RUNX1: variants seen among roughly 807,000 people sequenced by gnomAD.
RUNX1 encodes RUNX family transcription factor 1.
A neutral mutation model predicts 42.8 loss-of-function variants in RUNX1; 19 were observed. The observed-to-expected ratio is 0.44, with a 90% CI of 0.31 to 0.65. RUNX1 has a LOEUF of 0.65. Ranked by LOEUF, RUNX1 falls within the 30% of genes least tolerant of loss-of-function variation. RUNX1 has a pLI of 0.07. For synonymous variants in RUNX1, 271 were observed against 289.4 expected (o/e 0.94, Z 0.64); for missense variants, 528 against 672.0 (o/e 0.79, Z 2.37).
At chr21:34,951,464 T>G (rs1342776457) in intron 2 of RUNX1, among the ~76,000 whole-genome samples, 1 of 152,150 alleles carries the variant, frequency 6.6e-6, no homozygotes, top group Admixed American at 6.6e-5. Context: ...GGGAGAAAAT[T>G]TTTGCAATCT....
Position 34,834,452 on chromosome 21 carries a change from G to A in RUNX1, c.763C>T (p.His255Tyr). The A allele has an allele frequency of 6.2e-7, 1 of 1,610,656 alleles. No homozygotes were observed. The highest frequency in any genetic ancestry group is 8.5e-7 in the Non-Finnish European group (1 of 1,177,268). ...PTPNPRASLNHSTAFNPQPQS... is the reference protein window; with the variant it reads ...PTPNPRASLNYSTAFNPQPQS... ...GGCTGAGGGTTAAAGGCAGTGGAGT[G>A]GTTCAGGGAGGCACGAGGGTTGGGC... Residue 255 changes from histidine (H) to tyrosine (Y), a missense_variant, in exon 7 of 9, where the codon CAC (histidine) becomes TAC (tyrosine). Transcript: ENST00000675419.
chr21:35,007,337 G>A (rs1014421582), intron 2 of RUNX1, among the ~76,000 whole-genome samples: 1 of 152,250 alleles, frequency 6.6e-6, no homozygotes, highest in Non-Finnish European at 1.5e-5. Context: ...CTGGACAGAC[G>A]CTGTGGCTGC....
intron 8 of RUNX1, 29 bp downstream of exon 8, chr21:34,799,272 T>C (rs1394946568): frequency 6.8e-6 from 11 of 1,613,690 alleles, no homozygotes; most frequent in East Asian, 4.5e-5. Flanking sequence ...CCAGCTCAGC[T>C]GCAAAGAATG....
intron 2 of RUNX1, among the ~76,000 whole-genome samples, chr21:34,992,721 C>A (rs910938647): frequency 1.3e-5 from 2 of 151,504 alleles, no homozygotes; most frequent in African/African-American, 4.9e-5. Flanking sequence ...AATGGGATGG[C>A]GATGCCCTTT....
chr21:34,946,939 G>A (rs1315327307), intron 2 of RUNX1, among the ~76,000 whole-genome samples: 2 of 152,112 alleles, frequency 1.3e-5, no homozygotes, highest in Admixed American at 6.5e-5. Flanking sequence ...GTCCTCCCTT[G>A]GGTCTGTAAT....
chr21:34,930,917 G>A (rs1254654714), intron 2 of RUNX1, among the ~76,000 whole-genome samples: 1 of 152,042 alleles, frequency 6.6e-6, no homozygotes, highest in Non-Finnish European at 1.5e-5. Flanking sequence ...AAACTTTCTT[G>A]GTTGAATCTG....
intron 2 of RUNX1, among the ~76,000 whole-genome samples, chr21:34,902,749 T>G (rs766640621): frequency 1.2e-4 from 18 of 152,324 alleles, no homozygotes; most frequent in Admixed American, 2.6e-4. Context: ...GTTAGTTACT[T>G]ACCTTGCCCC....
chr21:34,924,168 T>C (rs964704938), intron 2 of RUNX1, among the ~76,000 whole-genome samples: 9 of 152,210 alleles, frequency 5.9e-5, no homozygotes, highest in Non-Finnish European at 4.4e-5. Flanking sequence ...TCAATCCAAC[T>C]TGGGATCCTG....
chr21:35,022,528 T>A (rs180972532), intron 2 of RUNX1, among the ~76,000 whole-genome samples: 1 of 152,294 alleles, frequency 6.6e-6, no homozygotes, highest in East Asian at 1.9e-4. Context: ...ACAGCAACAC[T>A]CTATGTTAGA....
At chr21:35,007,830 G>C (rs1481726145) in intron 2 of RUNX1, among the ~76,000 whole-genome samples, 1 of 152,116 alleles carries the variant, frequency 6.6e-6, no homozygotes, top group Admixed American at 6.6e-5. Context: ...ACGCCGATGA[G>C]ATCCTTTTAT....
intron 5 of RUNX1, among the ~76,000 whole-genome samples, chr21:34,871,980 A>G (rs2057744725): frequency 6.6e-6 from 1 of 151,702 alleles, no homozygotes; most frequent in South Asian, 2.1e-4. Flanking sequence ...AGCAGCTGGG[A>G]TTACAGGTAT....
At chr21:34,947,057 C>T (rs895120266) in intron 2 of RUNX1, among the ~76,000 whole-genome samples, 1 of 152,212 alleles carries the variant, frequency 6.6e-6, no homozygotes, top group South Asian at 2.1e-4. Flanking sequence ...CACTCTCTCC[C>T]TCTTCTGGTC....
At chr21:34,963,974 A>T (rs924506213) in intron 2 of RUNX1, among the ~76,000 whole-genome samples, 1 of 152,186 alleles carries the variant, frequency 6.6e-6, no homozygotes, top group African/African-American at 2.4e-5. Flanking sequence ...ATGTAGATGG[A>T]AGATTGGGAT....
chr21:34,877,038 A>T (rs2057824196), intron 5 of RUNX1, among the ~76,000 whole-genome samples: 2 of 152,042 alleles, frequency 1.3e-5, no homozygotes, highest in African/African-American at 2.4e-5. Flanking sequence ...TTGTATTTTT[A>T]GTAGAGATGG....
At chr21:34,825,051 G>T (rs2056967493) in intron 7 of RUNX1, among the ~76,000 whole-genome samples, 1 of 152,218 alleles carries the variant, frequency 6.6e-6, no homozygotes, top group African/African-American at 2.4e-5. Context: ...AAATTTGAAA[G>T]ACTATCTTCA....
At chr21:34,905,180 G>C (rs1426397252) in intron 2 of RUNX1, among the ~76,000 whole-genome samples, 1 of 152,172 alleles carries the variant, frequency 6.6e-6, no homozygotes. Context: ...CTGCTCTGGA[G>C]GTCATTATTT....
intron 2 of RUNX1, among the ~76,000 whole-genome samples, chr21:35,000,243 T>C (rs2059030686): frequency 6.9e-6 from 1 of 144,226 alleles, no homozygotes; most frequent in East Asian, 2.0e-4. Flanking sequence ...TTTCTTTTTT[T>C]TTTTTTTTTT....
chr21:34,980,433 T>G (rs1282655549), intron 2 of RUNX1, among the ~76,000 whole-genome samples: 1 of 152,214 alleles, frequency 6.6e-6, no homozygotes, highest in African/African-American at 2.4e-5. Flanking sequence ...GGGTCTTGTT[T>G]CAAATTATGA....
chr21:34,906,304 T>A (rs2058218943), intron 2 of RUNX1, among the ~76,000 whole-genome samples: 1 of 152,194 alleles, frequency 6.6e-6, no homozygotes, highest in Non-Finnish European at 1.5e-5. Flanking sequence ...TAGGAATCCA[T>A]TAAGTGTTGC....
Sources: gnomAD v4.1 joint callset for allele counts (sites outside exome capture counted in the v4.1 genomes callset) on GRCh38, gnomAD v4.1.1 for gene constraint, MANE v1.5 for transcripts, NCBI Gene and HGNC (gene_info 2026-07-23, HGNC 2026-07-21) for gene names.